STK10: variants seen among roughly 807,000 people sequenced by gnomAD.
STK10 encodes the protein serine/threonine kinase 10.
Under a neutral mutation model 113.8 loss-of-function variants are expected in STK10, and 78 were observed. That is an observed-to-expected ratio of 0.69 (90% CI 0.57 to 0.83). STK10 has a LOEUF of 0.83. STK10 is among the 40% of genes least tolerant of loss of function. The pLI is 0.00. For synonymous variants in STK10, 465 were observed against 494.7 expected, an observed-to-expected ratio of 0.94 and a Z score of 0.80; for missense variants, 1,109 against 1,280.1, an observed-to-expected ratio of 0.87 and a Z score of 2.04.
chr5:172,101,472 A>G (rs74901338), intron 7 of STK10, among the ~76,000 whole-genome samples: 1 of 134,908 alleles, frequency 7.4e-6, no homozygotes, highest in Admixed American at 7.0e-5. Flanking sequence ...TCCGTCTCCA[A>G]AAAAAAAAAA....
At position 172,057,073 on chromosome 5, in the gene STK10, AAAAG is replaced by A. The variant is rs1374856526; in HGVS notation, c.2337+272_2337+275del. On this transcript the variant is annotated intron_variant, in intron 15 of 18. Transcript: ENST00000176763. ...AGAAAAGAAGAAAGGGAAAAAAAAGAAAAGAAAGAGACATACACAGCAAGTAACA... is the reference window on the plus strand; with the variant it reads ...AGAAAAGAAGAAAGGGAAAAAAAAGAAAAGAGACATACACAGCAAGTAACA... 12 of 290,664 alleles carry A rather than the reference AAAAG, an allele frequency of 4.1e-5. No homozygotes were observed. The Admixed American group carries it at 4.6e-4, about 11-fold the overall frequency. 18.0% of individuals were successfully genotyped at this position (290,664 alleles called of 1,614,324 possible). A position where few individuals can be genotyped will look rare whatever the true frequency, so the allele number is the denominator to read the frequency against.
At position 172,188,136 on chromosome 5, in the gene STK10, G is replaced by A. The variant is rs959068715; in HGVS notation, c.-94C>T. 9.3e-6 allele frequency: 14 copies of A among 1,505,568 alleles called. No individual in the cohort carries two copies. The highest frequency in any genetic ancestry group is 2.1e-5 in the Admixed American group (1 of 46,592). 93.3% of individuals were successfully genotyped at this position (1,505,568 alleles called of 1,614,324 possible). A position where few individuals can be genotyped will look rare whatever the true frequency, so the allele number is the denominator to read the frequency against. ...GGAGAAGGAGGAGGAGTTGGAGGAC[G>A]CCGCGTCTCTCGGGGTTCTCCCCAG... On this transcript the variant is annotated 5_prime_UTR_variant, in exon 1 of 19. Coordinates refer to ENST00000176763, the MANE Select transcript of STK10 (RefSeq NM_005990.4). This position sits in a 1 kb window ranked among gnomAD's most constrained non-coding sequence, Gnocchi z 5.6.
intron 1 of STK10, among the ~76,000 whole-genome samples, chr5:172,165,412 A>G (rs1367587624): frequency 6.6e-6 from 1 of 152,200 alleles, no homozygotes; most frequent in East Asian, 1.9e-4. Context: ...TGAGAACACA[A>G]GAGCAAAGAG....
intron 8 of STK10, 47 bp downstream of exon 8, chr5:172,096,379 A>C (rs1352820548): frequency 6.2e-7 from 1 of 1,600,906 alleles, no homozygotes; most frequent in East Asian, 2.2e-5. Flanking sequence ...GCCAGCTGAG[A>C]TCCTGTCCTC....
intron 10 of STK10, among the ~76,000 whole-genome samples, chr5:172,087,777 C>T (rs1414315887): frequency 1.6e-5 from 2 of 126,564 alleles, no homozygotes; most frequent in African/African-American, 3.4e-5. Context: ...TACAGGCGCC[C>T]GCCACCGCGC....
At chr5:172,175,437 C>G (rs1770741343) in intron 1 of STK10, among the ~76,000 whole-genome samples, 1 of 152,146 alleles carries the variant, frequency 6.6e-6, no homozygotes, top group Non-Finnish European at 1.5e-5. Flanking sequence ...CCTCCCTGCT[C>G]TGCTGACAAG....
chr5:172,105,589 C>G, intron 7 of STK10, 67 bp downstream of exon 7: 2 of 1,545,764 alleles, frequency 1.3e-6, no homozygotes, highest in Non-Finnish European at 8.9e-7. Context: ...TGCCCAGCGT[C>G]CAGGTCACTG....
intron 3 of STK10, among the ~76,000 whole-genome samples, chr5:172,119,286 G>C (rs1446562854): frequency 1.3e-5 from 2 of 152,196 alleles, no homozygotes; most frequent in Non-Finnish European, 2.9e-5. Context: ...AGTGACTCGA[G>C]GTCAGAGGTC....
intron 1 of STK10, among the ~76,000 whole-genome samples, chr5:172,167,858 G>A (rs1301963403): frequency 3.3e-5 from 5 of 152,178 alleles, no homozygotes; most frequent in Admixed American, 1.3e-4. Context: ...ATGCCTCTTC[G>A]GAGGTAAGGG....
At chr5:172,045,065 G>A in intron 18 of STK10, 43 bp from the exon 19 acceptor site, 1 of 1,605,200 alleles carries the variant, frequency 6.2e-7, no homozygotes, top group Non-Finnish European at 8.5e-7. Context: ...GAGATCTGCA[G>A]GCCACACGTG....
rs1767729732 is a variant in STK10 at position 172,055,568 on chromosome 5, C to T, written c.2526+20G>A. ...CCTACACCCCAGCACACTTGCAGAC[C>T]CCGCAGGCCCGGCCCCCACCTGCTT... On this transcript the variant is annotated intron_variant, in intron 16 of 18. Transcript: ENST00000176763. 7.0e-7 allele frequency: 1 copy of T among 1,433,246 alleles called. No homozygotes were observed. Among genetic ancestry groups the T allele is most frequent in the Non-Finnish European group, 9.2e-7 (1 of 1,083,174 alleles). 88.8% of individuals were successfully genotyped at this position (1,433,246 alleles called of 1,614,324 possible). A position where few individuals can be genotyped will look rare whatever the true frequency, so the allele number is the denominator to read the frequency against.
chr5:172,135,155 G>C lies in STK10; in HGVS notation c.322-7734C>G, dbSNP rs576876186. Among the ~76,000 whole-genome samples the C allele has an allele frequency of 1.2e-4, 18 of 152,234 alleles. No homozygotes were observed. The East Asian group carries it at 3.5e-3, about 29-fold the overall frequency. On this transcript the variant is annotated intron_variant, in intron 2 of 18. Coordinates refer to ENST00000176763, the MANE Select transcript of STK10 (RefSeq NM_005990.4). ...AGATGCTCAACATTACTAGTCATTA[G>C]GGCAACACTAATCAAAACCAAAATG...
At chr5:172,046,487 A>G (rs1257870635) in intron 18 of STK10, among the ~76,000 whole-genome samples, 3 of 152,174 alleles carry the variant, frequency 2.0e-5, no homozygotes, top group South Asian at 2.1e-4. Context: ...TAATAATAAT[A>G]GCTACTACTT....
At chr5:172,112,250 T>C (rs1247479769) in intron 4 of STK10, among the ~76,000 whole-genome samples, 2 of 152,124 alleles carry the variant, frequency 1.3e-5, no homozygotes, top group African/African-American at 4.8e-5. Flanking sequence ...GGTACTCCAG[T>C]AGAAGATTAT....
At position 172,187,199 on chromosome 5, in the gene STK10, T is replaced by C. The variant is rs1483057115; in HGVS notation, c.156+688A>G. ...TCCACAAAAGCTCTCTGCCGCGTCT[T>C]CCTCTAGGGGAGAGGTGACTGCAGG... On this transcript the variant is annotated intron_variant, in intron 1 of 18. Coordinates refer to ENST00000176763, the MANE Select transcript of STK10 (RefSeq NM_005990.4). The surrounding 1 kb of genome is among the most constrained non-coding windows in gnomAD (Gnocchi z 4.6). 6.6e-6 allele frequency among the ~76,000 whole-genome samples: 1 copy of C among 152,016 alleles called. No individual in the cohort carries two copies. Among genetic ancestry groups the C allele is most frequent in the Non-Finnish European group, 1.5e-5 (1 of 68,004 alleles).
rs5873300 is a variant in STK10 at position 172,089,393 on chromosome 5, CATGGATGGATGGATGGATGGATGG to C, written c.1685+815_1685+838del. On this transcript the variant is annotated intron_variant, in intron 10 of 18. Coordinates refer to ENST00000176763, the MANE Select transcript of STK10 (RefSeq NM_005990.4). ...CTCCAACCTGGTGGGTTGGTGGATA[CATGGATGGATGGATGGATGGATGG>C]ATGGATGGATGGATGGATGGATGGA... Among the ~76,000 whole-genome samples the C allele has an allele frequency of 4.8e-4, 64 of 132,994 alleles. No individual in the cohort carries two copies. The East Asian group carries it at 0.013, about 26-fold the overall frequency. The allele number at this position is 132,994 out of a possible 152,430, so 87.2% of individuals were successfully genotyped here.
intron 10 of STK10, among the ~76,000 whole-genome samples, chr5:172,086,574 C>T (rs944618686): frequency 1.3e-5 from 2 of 152,154 alleles, no homozygotes; most frequent in African/African-American, 4.8e-5. Context: ...GAACTCTGCC[C>T]GGAAGCCTCA....
At chr5:172,087,661 G>A (rs910560074) in intron 10 of STK10, among the ~76,000 whole-genome samples, 3 of 92,384 alleles carry the variant, frequency 3.2e-5, no homozygotes, top group South Asian at 6.0e-4. Context: ...TCGCTCTGTC[G>A]CCCAGGCCGG....
intron 2 of STK10, among the ~76,000 whole-genome samples, chr5:172,140,437 C>G (rs1049373193): frequency 6.6e-6 from 1 of 152,214 alleles, no homozygotes; most frequent in Non-Finnish European, 1.5e-5. Context: ...TGGTGCATGC[C>G]TGTAATCCCG....
Sources: gnomAD v4.1 joint callset for allele counts (sites outside exome capture counted in the v4.1 genomes callset) on GRCh38, gnomAD v4.1.1 for gene constraint, Gnocchi (gnomAD v3.1) non-coding constraint, MANE v1.5 for transcripts, NCBI Gene and HGNC (gene_info 2026-07-23, HGNC 2026-07-21) for gene names.